LDLRAD4: variants seen among roughly 807,000 people sequenced by gnomAD.
LDLRAD4 encodes the protein low-density lipoprotein receptor class A domain-containing protein 4.
LDLRAD4 carries 5 observed loss-of-function variants against 17.0 expected under a neutral mutation model. The observed-to-expected ratio is 0.29, with a 90% confidence interval of 0.15 to 0.62. The LOEUF is 0.62. Among genes scored for constraint, LDLRAD4 ranks in the 20% least tolerant of loss-of-function variants. LDLRAD4 has a pLI of 0.84. For missense variants in LDLRAD4, 340 were observed against 424.7 expected, an observed-to-expected ratio of 0.80 and a Z score of 1.75; for synonymous variants, 168 against 171.8, an observed-to-expected ratio of 0.98 and a Z score of 0.17.
chr18:13,273,164 AC>A (rs780443184), upstream of LDLRAD4, among the ~76,000 whole-genome samples: 15 of 152,188 alleles, frequency 9.9e-5, no homozygotes, highest in Non-Finnish European at 1.9e-4. Flanking sequence ...TCTGAAAAAA[AC>A]ATCATAAAGC....
chr18:13,302,722 C>T (rs953012469), intron 1 of LDLRAD4, among the ~76,000 whole-genome samples: 1 of 152,100 alleles, frequency 6.6e-6, no homozygotes, highest in Non-Finnish European at 1.5e-5. Flanking sequence ...ACATGCACTG[C>T]TGTTACACGC....
At chr18:13,615,732 T>A (rs1437461353) in intron 3 of LDLRAD4, 1 of 152,240 alleles carries the variant, frequency 6.6e-6, no homozygotes, top group Admixed American at 6.5e-5. Flanking sequence ...ACTAGATGTA[T>A]TAAAAAGTAT....
At chr18:13,321,343 C>T (rs965914790) in intron 1 of LDLRAD4, among the ~76,000 whole-genome samples, 7 of 152,230 alleles carry the variant, frequency 4.6e-5, no homozygotes, top group Admixed American at 4.6e-4. Flanking sequence ...AAGCCTATCT[C>T]TGGGCCTATC....
At chr18:13,535,074 A>G (rs2094183773) in intron 3 of LDLRAD4, among the ~76,000 whole-genome samples, 1 of 152,170 alleles carries the variant, frequency 6.6e-6, no homozygotes, top group Non-Finnish European at 1.5e-5. Context: ...TCATCCACTC[A>G]TCCATTGACG....
intron 3 of LDLRAD4, among the ~76,000 whole-genome samples, chr18:13,620,035 TC>T (rs1377379939): frequency 6.6e-6 from 1 of 151,816 alleles, no homozygotes; most frequent in East Asian, 1.9e-4. Flanking sequence ...CATGTGGGGA[TC>T]CAGAGAACCC....
chr18:13,609,464 C>G (rs1031800985), intron 3 of LDLRAD4, among the ~76,000 whole-genome samples: 1 of 152,136 alleles, frequency 6.6e-6, no homozygotes, highest in African/African-American at 2.4e-5. Flanking sequence ...AGCCACACAT[C>G]CCAAGACAGA....
intron 1 of LDLRAD4, among the ~76,000 whole-genome samples, chr18:13,263,013 C>T (rs1421000241): frequency 4.8e-5 from 6 of 125,430 alleles, no homozygotes; most frequent in African/African-American, 1.9e-4. Flanking sequence ...TGCGTGGGGG[C>T]TGAGTCCCGT....
chr18:13,567,297 C>T (rs576447883), intron 3 of LDLRAD4, among the ~76,000 whole-genome samples: 2 of 152,344 alleles, frequency 1.3e-5, no homozygotes, highest in African/African-American at 2.4e-5. Context: ...CCTAATCTAA[C>T]AGTGTCTGGA....
chr18:13,306,434 C>T (rs1045543376), intron 1 of LDLRAD4, among the ~76,000 whole-genome samples: 10 of 152,170 alleles, frequency 6.6e-5, no homozygotes, highest in African/African-American at 1.4e-4. Context: ...CTGGACAGTG[C>T]CCCTGGCCAC....
At chr18:13,397,960 A>G (rs1010279434) in intron 2 of LDLRAD4, among the ~76,000 whole-genome samples, 11 of 152,180 alleles carry the variant, frequency 7.2e-5, no homozygotes, top group Non-Finnish European at 7.3e-5. Context: ...GTGCTTTCGC[A>G]TATGTGGCCG....
At chr18:13,231,570 GCT>G (rs2042079333) in intron 1 of LDLRAD4, among the ~76,000 whole-genome samples, 1 of 152,232 alleles carries the variant, frequency 6.6e-6, no homozygotes, top group Non-Finnish European at 1.5e-5. Flanking sequence ...GCAGTGGGGA[GCT>G]CTGTCTCGAC....
At chr18:13,526,226 A>G (rs1487693138) in intron 3 of LDLRAD4, 1 of 152,196 alleles carries the variant, frequency 6.6e-6, no homozygotes, top group African/African-American at 2.4e-5. Flanking sequence ...GCAGGAGCCT[A>G]CTAGGCCCTC....
At chr18:13,570,557 C>T (rs1191023051) in intron 3 of LDLRAD4, among the ~76,000 whole-genome samples, 1 of 152,216 alleles carries the variant, frequency 6.6e-6, no homozygotes, top group African/African-American at 2.4e-5. Context: ...GATACCTAAT[C>T]AATGGGGAGA....
chr18:13,445,150 T>C (rs2091299474), intron 3 of LDLRAD4, among the ~76,000 whole-genome samples: 1 of 152,214 alleles, frequency 6.6e-6, no homozygotes, highest in African/African-American at 2.4e-5. Flanking sequence ...AATATCCATC[T>C]GCTGTGTAGG....
At chr18:13,351,730 T>G (rs2083046905) in intron 1 of LDLRAD4, among the ~76,000 whole-genome samples, 1 of 152,028 alleles carries the variant, frequency 6.6e-6, no homozygotes, top group Non-Finnish European at 1.5e-5. Context: ...TCCTAACAAT[T>G]GAAAAGAAGG....
intron 1 of LDLRAD4, among the ~76,000 whole-genome samples, chr18:13,262,714 T>C: frequency 9.5e-6 from 1 of 105,158 alleles, no homozygotes; most frequent in African/African-American, 4.8e-5. Flanking sequence ...GTGTGGAAAC[T>C]GAGTCCCGTG....
chr18:13,357,469 G>A (rs535887134), intron 1 of LDLRAD4, among the ~76,000 whole-genome samples: 28 of 152,028 alleles, frequency 1.8e-4, no homozygotes, highest in Non-Finnish European at 3.5e-4. Flanking sequence ...GGCTCTAGAG[G>A]TTCCTTCACC....
At chr18:13,231,901 A>T (rs2042096462) in intron 1 of LDLRAD4, among the ~76,000 whole-genome samples, 1 of 152,214 alleles carries the variant, frequency 6.6e-6, no homozygotes, top group African/African-American at 2.4e-5. Context: ...GTGAAACCTA[A>T]TTGGAATGTG....
chr18:13,360,800 A>C (rs978623645), intron 1 of LDLRAD4, among the ~76,000 whole-genome samples: 1 of 152,194 alleles, frequency 6.6e-6, no homozygotes, highest in African/African-American at 2.4e-5. Flanking sequence ...CATGGTATGT[A>C]CCACTTTGAC....
Sources: gnomAD v4.1 joint callset for allele counts (sites outside exome capture counted in the v4.1 genomes callset) on GRCh38, gnomAD v4.1.1 for gene constraint, MANE v1.5 for transcripts, NCBI Gene and HGNC (gene_info 2026-07-23, HGNC 2026-07-21) for gene names.